The following PDCD1LG2 variants were observed in gnomAD, a reference collection of about 807,000 sequenced individuals.
The protein encoded by PDCD1LG2 is B7 dendritic cell molecule.
PDCD1LG2 carries 32 observed loss-of-function variants against 28.2 expected under a neutral mutation model. The ratio of observed to expected loss-of-function variants is 1.13; its 90% CI spans 0.86 to 1.52. The LOEUF (loss-of-function observed/expected upper bound fraction) is 1.52, where lower values mean the gene tolerates loss of function less well. Ranked by LOEUF, PDCD1LG2 falls within the 40% of genes most tolerant of loss-of-function variation. PDCD1LG2 has a pLI of 0.00. For missense variants in PDCD1LG2, 385 were observed against 323.8 expected (o/e 1.19, Z -1.45); for synonymous variants, 116 against 120.2 (o/e 0.97, Z 0.23).
In PDCD1LG2 at chr9:5,557,708, T is replaced by G; in HGVS notation, c.722T>G (p.Ile241Arg). Residue 241 changes from isoleucine to arginine, a missense_variant, in exon 5 of 7, where the codon ATA becomes AGA. Coordinates refer to ENST00000397747, the MANE Select transcript of PDCD1LG2 (RefSeq NM_025239.4). ...IIAFIFIATV[I>R]ALRKQLCQKL... is the part of the protein sequence containing the mutation. Reference sequence around the variant, plus strand: ...GCTTTCATTTTCATAGCCACAGTGATAGCCCTAAGAAAACAACTCTGTCAA... The same window carrying G: ...GCTTTCATTTTCATAGCCACAGTGAGAGCCCTAAGAAAACAACTCTGTCAA... 1.9e-6 allele frequency: 3 copies of G among 1,613,800 alleles called. No homozygotes were observed. Among genetic ancestry groups the G allele is most frequent in the Non-Finnish European group, 2.5e-6 (3 of 1,179,814 alleles).
At chr9:5,545,679 A>C (rs1001550591) in intron 3 of PDCD1LG2, among the ~76,000 whole-genome samples, 1 of 152,236 alleles carries the variant, frequency 6.6e-6, no homozygotes, top group Admixed American at 6.5e-5. Flanking sequence ...CCACAATTAC[A>C]TTTGAGATTT....
intron 3 of PDCD1LG2, among the ~76,000 whole-genome samples, chr9:5,542,823 A>G (rs1820711202): frequency 6.6e-6 from 1 of 151,976 alleles, no homozygotes; most frequent in Admixed American, 6.6e-5. Flanking sequence ...CAATCCCACT[A>G]CTAGGTATTT....
At chr9:5,551,490 T>C (rs958278082) in intron 4 of PDCD1LG2, among the ~76,000 whole-genome samples, 1 of 152,160 alleles carries the variant, frequency 6.6e-6, no homozygotes, top group African/African-American at 2.4e-5. Context: ...AGGACCAGCA[T>C]GTAGACAGCC....
At position 5,531,630 on chromosome 9, in the gene PDCD1LG2, C is replaced by G. The variant is rs560493254; in HGVS notation, c.56-3115C>G. ...CCAGGCAGTAAAGAGGGGAGTTCTG[C>G]TGTAAGCTAAGGGGAGTTCCAGAGG... is the stretch of plus-strand genomic sequence containing the variant. On this transcript the variant is annotated intron_variant, in intron 2 of 6. Transcript: ENST00000397747. Among the ~76,000 whole-genome samples, 4 of 152,284 alleles carry G rather than the reference C, an allele frequency of 2.6e-5. No individual in the cohort carries two copies. The South Asian group carries it at 8.3e-4, about 32-fold the overall frequency.
chr9:5,562,193 A>G (rs1816578550), intron 5 of PDCD1LG2, among the ~76,000 whole-genome samples: 2 of 152,224 alleles, frequency 1.3e-5, no homozygotes, highest in African/African-American at 4.8e-5. Flanking sequence ...AGGTTAAGAA[A>G]AAAGTGAAAA....
intron 6 of PDCD1LG2, among the ~76,000 whole-genome samples, chr9:5,564,894 G>A (rs1483173953): frequency 1.3e-5 from 2 of 152,126 alleles, no homozygotes; most frequent in African/African-American, 2.4e-5. Flanking sequence ...CTTTTGGCAT[G>A]GTCTACTTTA....
intron 2 of PDCD1LG2, among the ~76,000 whole-genome samples, chr9:5,526,931 C>T (rs1193956095): frequency 6.6e-6 from 1 of 151,822 alleles, no homozygotes; most frequent in Non-Finnish European, 1.5e-5. Flanking sequence ...GACATTATTT[C>T]CATTTTCTTC....
intron 4 of PDCD1LG2, among the ~76,000 whole-genome samples, chr9:5,553,492 C>A (rs1302813605): frequency 2.0e-5 from 3 of 152,184 alleles, no homozygotes; most frequent in African/African-American, 7.2e-5. Flanking sequence ...TATATAAGAA[C>A]CTCTCCAGGG....
chr9:5,512,089 C>T (rs565422082), intron 1 of PDCD1LG2, among the ~76,000 whole-genome samples: 2 of 152,324 alleles, frequency 1.3e-5, no homozygotes, highest in South Asian at 4.1e-4. Context: ...ATGGGTCATG[C>T]TTCAGAGTTT....
intron 2 of PDCD1LG2, 140 bp downstream of exon 2, chr9:5,522,741 C>CAAA: frequency 3.2e-5 from 16 of 499,212 alleles, no homozygotes; most frequent in South Asian, 1.8e-4. Context: ...CCAAGCACCA[C>CAAA]AAAAAAAAAA....
chr9:5,534,613 G>T (rs757802875), intron 2 of PDCD1LG2, 132 bp from the exon 3 acceptor site: 13 of 747,114 alleles, frequency 1.7e-5, no homozygotes, highest in Non-Finnish European at 2.8e-5. Flanking sequence ...AAAAGGATTC[G>T]CCACGGGAAT....
intron 3 of PDCD1LG2, among the ~76,000 whole-genome samples, chr9:5,547,537 A>G (rs1388978218): frequency 1.3e-5 from 2 of 152,090 alleles, no homozygotes; most frequent in Non-Finnish European, 2.9e-5. Context: ...TAAAGTTTTT[A>G]TAAGGTTGTA....
At chr9:5,522,791 C>A (rs1266559337) in intron 2 of PDCD1LG2, among the ~76,000 whole-genome samples, 190 bp downstream of exon 2, 1 of 151,976 alleles carries the variant, frequency 6.6e-6, no homozygotes, top group South Asian at 2.1e-4. Context: ...ATGTCCCTAT[C>A]TGACAGAAAC....
At chr9:5,519,522 G>C (rs1041948100) in intron 1 of PDCD1LG2, among the ~76,000 whole-genome samples, 1 of 152,106 alleles carries the variant, frequency 6.6e-6, no homozygotes, top group African/African-American at 2.4e-5. Context: ...TTCTCTGCTG[G>C]TGACCGCTCT....
At chr9:5,544,015 A>G (rs1461521320) in intron 3 of PDCD1LG2, among the ~76,000 whole-genome samples, 1 of 152,226 alleles carries the variant, frequency 6.6e-6, no homozygotes, top group African/African-American at 2.4e-5. Flanking sequence ...AGACCAAGGC[A>G]TGTAAAACTA....
intron 4 of PDCD1LG2, among the ~76,000 whole-genome samples, chr9:5,556,522 A>C (rs892276446): frequency 1.3e-5 from 2 of 152,134 alleles, no homozygotes; most frequent in Non-Finnish European, 2.9e-5. Context: ...TTATTTAGCA[A>C]CTCTGAGACT....
chr9:5,553,902 C>T (rs1335182000), intron 4 of PDCD1LG2, among the ~76,000 whole-genome samples: 2 of 152,182 alleles, frequency 1.3e-5, no homozygotes, highest in East Asian at 1.9e-4. Flanking sequence ...CCATCCCTTC[C>T]TCACCACATG....
At chr9:5,525,768 G>C (rs548319143) in intron 2 of PDCD1LG2, among the ~76,000 whole-genome samples, 1 of 152,042 alleles carries the variant, frequency 6.6e-6, no homozygotes, top group Middle Eastern at 3.2e-3. Flanking sequence ...TAAAGAAGAG[G>C]CCGGGCATGG....
chr9:5,530,747 C>CT (rs1820466838), intron 2 of PDCD1LG2, among the ~76,000 whole-genome samples: 1 of 152,234 alleles, frequency 6.6e-6, no homozygotes, highest in Non-Finnish European at 1.5e-5. Context: ...AGCCCAGTGT[C>CT]TGACTTACTG....
Sources: allele counts gnomAD v4.1 joint callset (sites outside exome capture counted in the v4.1 genomes callset), GRCh38; gene constraint gnomAD v4.1.1; transcripts MANE v1.5; gene names NCBI Gene and HGNC (gene_info 2026-07-23, HGNC 2026-07-21).